Variants in PRR18 observed in about 807,000 individuals in gnomAD.
PRR18 encodes proline-rich protein 18.
For missense variants in PRR18, 517 were observed against 437.4 expected (o/e 1.18, Z -1.62); for synonymous variants, 228 against 220.2 (o/e 1.04, Z -0.32).
Position 166,308,216 on chromosome 6 carries a change from T to C in PRR18, c.-74A>G. 1 of 1,213,780 alleles carries C rather than the reference T, an allele frequency of 8.2e-7. No homozygotes were observed. 75.2% of individuals were successfully genotyped at this position (1,213,780 alleles called of 1,614,324 possible). Reference sequence around the variant, plus strand: ...GCTCAGCCACTGTGCGCGGAGCGGGTCCCCGCAGTCCGGGCGGCCCCTCCA... The same window carrying C: ...GCTCAGCCACTGTGCGCGGAGCGGGCCCCCGCAGTCCGGGCGGCCCCTCCA... On this transcript the variant is annotated 5_prime_UTR_variant, in exon 1 of 1. Coordinates refer to ENST00000322583, the MANE Select transcript of PRR18 (RefSeq NM_175922.4).
Position 166,307,198 on chromosome 6 carries a change from C to A in PRR18, c.*57G>T. 7.4e-7 allele frequency: 1 copy of A among 1,345,404 alleles called. No individual in the cohort carries two copies. Among genetic ancestry groups the A allele is most frequent in the East Asian group, 3.0e-5 (1 of 33,210 alleles). 83.3% of individuals were successfully genotyped at this position (1,345,404 alleles called of 1,614,324 possible). A position where few individuals can be genotyped will look rare whatever the true frequency, so the allele number is the denominator to read the frequency against. On this transcript the variant is annotated 3_prime_UTR_variant, in exon 1 of 1. Coordinates refer to ENST00000322583, the MANE Select transcript of PRR18 (RefSeq NM_175922.4). ...CCCCGAGGGCCCCTAGGCGGAGTGG[C>A]GCGTGCAGGAAGTGAGGTGGGATCA...
rs1778142938 is a variant in PRR18, at chr6:166,308,205, C to A, written c.-63G>T. 44 of 1,222,622 alleles carry A rather than the reference C, an allele frequency of 3.6e-5. No individual in the cohort carries two copies. Among genetic ancestry groups the A allele is most frequent in the Admixed American group, 4.3e-5 (1 of 23,478 alleles). The allele number at this position is 1,222,622 out of a possible 1,614,324, so 75.7% of individuals were successfully genotyped here. On this transcript the variant is annotated 5_prime_UTR_variant, in exon 1 of 1. Coordinates refer to ENST00000322583, the MANE Select transcript of PRR18 (RefSeq NM_175922.4). Reference sequence around the variant, plus strand: ...GAGAGGCGGGCGCTCAGCCACTGTGCGCGGAGCGGGTCCCCGCAGTCCGGG... The same window carrying A: ...GAGAGGCGGGCGCTCAGCCACTGTGAGCGGAGCGGGTCCCCGCAGTCCGGG...
rs1186578158 is a variant in PRR18 at position 166,305,836 on chromosome 6, G to C, written c.*1419C>G. The C allele has an allele frequency of 6.6e-6, 1 of 152,200 alleles. No individual in the cohort carries two copies. The highest frequency in any genetic ancestry group is 1.5e-5 in the Non-Finnish European group (1 of 68,046). 9.4% of individuals were successfully genotyped at this position (152,200 alleles called of 1,614,324 possible). A position where few individuals can be genotyped will look rare whatever the true frequency, so the allele number is the denominator to read the frequency against. ...GGTATTTGCACTAAGTGCAAGACGA[G>C]ACCAAGTTGAGCCACTCCTGCCCTC... On this transcript the variant is annotated 3_prime_UTR_variant, in exon 1 of 1. Coordinates refer to ENST00000322583, the MANE Select transcript of PRR18 (RefSeq NM_175922.4).
rs1329977581 is a variant in PRR18 at position 166,307,893 on chromosome 6, C to A, written c.250G>T (p.Ala84Ser). Residue 84 changes from alanine to serine, a missense_variant, in exon 1 of 1, where the codon GCG becomes TCG. Transcript: ENST00000322583. ...GGGGCGCACGTGGCTGGGGCCCGCG[C>A]GCGGCTGGGCAAGGCCTGGGGGGAG... The part of the protein sequence containing the change: ...GVSPQALPSR[A>S]RAPATCAPPR... 1 of 1,234,146 alleles carries A rather than the reference C, an allele frequency of 8.1e-7. No individual in the cohort carries two copies. Among genetic ancestry groups the A allele is most frequent in the Non-Finnish European group, 1.0e-6 (1 of 989,190 alleles). The allele number at this position is 1,234,146 out of a possible 1,614,324, so 76.4% of individuals were successfully genotyped here.
rs757375928 is a variant in PRR18 at position 166,307,353 on chromosome 6, G to A, written c.790C>T (p.Arg264Cys). The change falls in exon 1 of 1, where the codon CGC becomes TGC. Residue 264 changes from arginine (R) to cysteine (C), a missense_variant. Physicochemically the swap from Arg to Cys is radical, Grantham distance 180 (BLOSUM62 -3). Coordinates refer to ENST00000322583, the MANE Select transcript of PRR18 (RefSeq NM_175922.4). Reference protein sequence around the residue: ...EPEAVDEGLVRKCTEWLRGVE... With the variant: ...EPEAVDEGLVCKCTEWLRGVE... ...CCGCGCAGCCACTCCGTGCACTTGC[G>A]TACCAGGCCCTCGTCCACCGCCTCT... 1 of 1,578,596 alleles carries A rather than the reference G, an allele frequency of 6.3e-7. No homozygotes were observed.
rs1334820480 is a variant in PRR18, at chr6:166,307,290, C to T, written c.853G>A (p.Ala285Thr). ...SAAAARGRAG[A>T]LDSRRHLSTL is the part of the protein sequence containing the mutation. ...CTCAGGTGCCGCCGTGAGTCCAGGG[C>T]CCCCGCCCGGCCCCGCGCGGCAGCC... The change falls in exon 1 of 1, where the codon GCC becomes ACC. Residue 285 changes from alanine to threonine, a missense_variant. Ala to Thr is a moderately conservative substitution (Grantham distance 58). Transcript: ENST00000322583. The T allele has an allele frequency of 2.6e-6, 4 of 1,524,560 alleles. No individual in the cohort carries two copies. In the South Asian group the frequency reaches 4.8e-5, roughly 18 times the overall value. 94.4% of individuals were successfully genotyped at this position (1,524,560 alleles called of 1,614,324 possible). A position where few individuals can be genotyped will look rare whatever the true frequency, so the allele number is the denominator to read the frequency against.
At position 166,308,232 on chromosome 6, in the gene PRR18, G is replaced by T. The variant is rs1419071105; in HGVS notation, c.-90C>A. 2 of 1,188,070 alleles carry T rather than the reference G, an allele frequency of 1.7e-6. No homozygotes were observed. Among genetic ancestry groups the T allele is most frequent in the Non-Finnish European group, 2.1e-6 (2 of 948,466 alleles). The allele number at this position is 1,188,070 out of a possible 1,614,324, so 73.6% of individuals were successfully genotyped here. On this transcript the variant is annotated 5_prime_UTR_variant, in exon 1 of 1. Transcript: ENST00000322583. ...CGGAGCGGGTCCCCGCAGTCCGGGC[G>T]GCCCCTCCACACCCACCTGCGTCCA...
Position 166,307,538 on chromosome 6 carries a change from C to G in PRR18, c.605G>C (p.Gly202Ala). The change falls in exon 1 of 1, where the codon GGC becomes GCC. Residue 202 changes from glycine (G) to alanine (A), a missense_variant. By Grantham distance (60) the Gly-to-Ala change is moderately conservative. Coordinates refer to ENST00000322583, the MANE Select transcript of PRR18 (RefSeq NM_175922.4). ...ASDPDAPPTAGQGRRAPPPGA... is the reference protein window; with the variant it reads ...ASDPDAPPTAAQGRRAPPPGA... ...GGGCGGAGGCGCGCGGCGGCCCTGG[C>G]CGGCGGTGGGGGGTGCGTCGGGGTC... 2 of 1,217,752 alleles carry G rather than the reference C, an allele frequency of 1.6e-6. No homozygotes were observed. The highest frequency in any genetic ancestry group is 3.9e-5 in the South Asian group (1 of 25,626). 75.4% of individuals were successfully genotyped at this position (1,217,752 alleles called of 1,614,324 possible).
chr6:166,307,991 G>A lies in PRR18; in HGVS notation c.152C>T (p.Ala51Val), dbSNP rs1213893662. 8.9e-6 allele frequency: 11 copies of A among 1,238,726 alleles called. No homozygotes were observed. Among genetic ancestry groups the A allele is most frequent in the Non-Finnish European group, 1.0e-5 (10 of 984,690 alleles). 76.7% of individuals were successfully genotyped at this position (1,238,726 alleles called of 1,614,324 possible). A position where few individuals can be genotyped will look rare whatever the true frequency, so the allele number is the denominator to read the frequency against. ...CCGGGCCGGCGGCCTCTTGAGCGTG[G>A]CGGAGGGCCAGGAGCTGGAGAGGAG... is the stretch of plus-strand genomic sequence containing the variant. ...EGLLSSSWPS[A>V]TLKRPPARRG... Residue 51 changes from alanine to valine, a missense_variant, in exon 1 of 1, where the codon GCC (alanine) becomes GTC (valine). Coordinates refer to ENST00000322583, the MANE Select transcript of PRR18 (RefSeq NM_175922.4).
chr6:166,307,226 C>A lies in PRR18; in HGVS notation c.*29G>T. ...GTGCAGGAAGTGAGGTGGGATCAGG[C>A]CTGGCCTGTCCCCGCAGGCCCGCTG... On this transcript the variant is annotated 3_prime_UTR_variant, in exon 1 of 1. Coordinates refer to ENST00000322583, the MANE Select transcript of PRR18 (RefSeq NM_175922.4). 1 of 1,434,880 alleles carries A rather than the reference C, an allele frequency of 7.0e-7. No homozygotes were observed. Among genetic ancestry groups the A allele is most frequent in the Middle Eastern group, 2.5e-4 (1 of 3,928 alleles). 88.9% of individuals were successfully genotyped at this position (1,434,880 alleles called of 1,614,324 possible). A position where few individuals can be genotyped will look rare whatever the true frequency, so the allele number is the denominator to read the frequency against.
chr6:166,308,208 G>A lies in PRR18; in HGVS notation c.-66C>T, dbSNP rs867097882. 17 of 1,220,154 alleles carry A rather than the reference G, an allele frequency of 1.4e-5. No individual in the cohort carries two copies. The Middle Eastern group carries it at 9.4e-4, about 67-fold the overall frequency. 75.6% of individuals were successfully genotyped at this position (1,220,154 alleles called of 1,614,324 possible). A position where few individuals can be genotyped will look rare whatever the true frequency, so the allele number is the denominator to read the frequency against. On this transcript the variant is annotated 5_prime_UTR_variant, in exon 1 of 1. Coordinates refer to ENST00000322583, the MANE Select transcript of PRR18 (RefSeq NM_175922.4). ...AGGCGGGCGCTCAGCCACTGTGCGC[G>A]GAGCGGGTCCCCGCAGTCCGGGCGG... is the stretch of plus-strand genomic sequence containing the variant.
chr6:166,307,233 T>A lies in PRR18; in HGVS notation c.*22A>T, dbSNP rs926701813. The A allele has an allele frequency of 2.1e-6, 3 of 1,440,500 alleles. No individual in the cohort carries two copies. The African/African-American group carries it at 4.4e-5, about 21-fold the overall frequency. 89.2% of individuals were successfully genotyped at this position (1,440,500 alleles called of 1,614,324 possible). Reference sequence around the variant, plus strand: ...AAGTGAGGTGGGATCAGGCCTGGCCTGTCCCCGCAGGCCCGCTGGGCTCAC... The same window carrying A: ...AAGTGAGGTGGGATCAGGCCTGGCCAGTCCCCGCAGGCCCGCTGGGCTCAC... On this transcript the variant is annotated 3_prime_UTR_variant, in exon 1 of 1. Coordinates refer to ENST00000322583, the MANE Select transcript of PRR18 (RefSeq NM_175922.4).
rs186577225 is a variant in PRR18, at chr6:166,308,228, G to C, written c.-86C>G. On this transcript the variant is annotated 5_prime_UTR_variant, in exon 1 of 1. Transcript: ENST00000322583. ...TGCGCGGAGCGGGTCCCCGCAGTCCGGGCGGCCCCTCCACACCCACCTGCG... is the reference window on the plus strand; with the variant it reads ...TGCGCGGAGCGGGTCCCCGCAGTCCCGGCGGCCCCTCCACACCCACCTGCG... The C allele has an allele frequency of 8.3e-7, 1 of 1,199,316 alleles. No homozygotes were observed. Among genetic ancestry groups the C allele is most frequent in the African/African-American group, 1.6e-5 (1 of 63,466 alleles). 74.3% of individuals were successfully genotyped at this position (1,199,316 alleles called of 1,614,324 possible).
chr6:166,307,238 C>A lies in PRR18; in HGVS notation c.*17G>T. The A allele has an allele frequency of 6.9e-7, 1 of 1,447,060 alleles. No individual in the cohort carries two copies. The highest frequency in any genetic ancestry group is 1.4e-5 in the South Asian group (1 of 69,482). The allele number at this position is 1,447,060 out of a possible 1,614,324, so 89.6% of individuals were successfully genotyped here. ...AGGTGGGATCAGGCCTGGCCTGTCC[C>A]CGCAGGCCCGCTGGGCTCACAGCGT... is the stretch of plus-strand genomic sequence containing the variant. On this transcript the variant is annotated 3_prime_UTR_variant, in exon 1 of 1. Transcript: ENST00000322583.
chr6:166,308,098 C>A lies in PRR18; in HGVS notation c.45G>T (p.Gly15=), dbSNP rs1220622933. ...GGGGTAACTGGCGCGCGGCTTGGGCCCCCGGGGCGGGGGCGGGCGGCGGCG... is the reference window on the plus strand; with the variant it reads ...GGGGTAACTGGCGCGCGGCTTGGGCACCCGGGGCGGGGGCGGGCGGCGGCG... The part of the protein sequence containing the change: ...PMPPPPAPAP[G]AQAARQLPRR... The change falls in exon 1 of 1, where the codon GGG becomes GGT. Residue 15 remains glycine, a synonymous_variant. Transcript: ENST00000322583. 11 of 1,233,252 alleles carry A rather than the reference C, an allele frequency of 8.9e-6. No individual in the cohort carries two copies. Among genetic ancestry groups the A allele is most frequent in the Non-Finnish European group, 1.1e-5 (11 of 986,042 alleles). 76.4% of individuals were successfully genotyped at this position (1,233,252 alleles called of 1,614,324 possible).
rs1778122570 is a variant in PRR18 at position 166,307,611 on chromosome 6, A to G, written c.532T>C (p.Cys178Arg). ...GGGCCCGCGGCCCTAGCCGGGAGACACGGGGCGAGTAGGCGCCTGGGTTCG... is the reference window on the plus strand; with the variant it reads ...GGGCCCGCGGCCCTAGCCGGGAGACGCGGGGCGAGTAGGCGCCTGGGTTCG... ...SAEPRRLLAPCLPARAAGPRR... is the reference protein window; with the variant it reads ...SAEPRRLLAPRLPARAAGPRR... The change falls in exon 1 of 1, where the codon TGT (cysteine) becomes CGT (arginine). Residue 178 changes from cysteine (C) to arginine (R), a missense_variant. Transcript: ENST00000322583. The G allele has an allele frequency of 7.6e-7, 1 of 1,311,002 alleles. No individual in the cohort carries two copies. Among genetic ancestry groups the G allele is most frequent in the South Asian group, 2.2e-5 (1 of 45,178 alleles). The allele number at this position is 1,311,002 out of a possible 1,614,324, so 81.2% of individuals were successfully genotyped here.
rs1778138998 is a variant in PRR18, at chr6:166,308,108, G to T, written c.35C>A (p.Pro12His). 3 of 1,231,358 alleles carry T rather than the reference G, an allele frequency of 2.4e-6. No individual in the cohort carries two copies. The African/African-American group carries it at 4.7e-5, about 19-fold the overall frequency. The allele number at this position is 1,231,358 out of a possible 1,614,324, so 76.3% of individuals were successfully genotyped here. ...PFPPMPPPPA[P>H]APGAQAARQL... ...GCGCGCGGCTTGGGCCCCCGGGGCG[G>T]GGGCGGGCGGCGGCGGCATGGGCGG... is the stretch of plus-strand genomic sequence containing the variant. Residue 12 changes from proline (P) to histidine (H), a missense_variant, in exon 1 of 1, where the codon CCC (proline) becomes CAC (histidine). Coordinates refer to ENST00000322583, the MANE Select transcript of PRR18 (RefSeq NM_175922.4).
In PRR18 at chr6:166,307,237, C is replaced by T. The variant is rs374644887; in HGVS notation, c.*18G>A. ...GAGGTGGGATCAGGCCTGGCCTGTCCCCGCAGGCCCGCTGGGCTCACAGCG... is the reference window on the plus strand; with the variant it reads ...GAGGTGGGATCAGGCCTGGCCTGTCTCCGCAGGCCCGCTGGGCTCACAGCG... On this transcript the variant is annotated 3_prime_UTR_variant, in exon 1 of 1. Coordinates refer to ENST00000322583, the MANE Select transcript of PRR18 (RefSeq NM_175922.4). The T allele has an allele frequency of 5.5e-5, 79 of 1,440,998 alleles. No homozygotes were observed. The African/African-American group carries it at 8.3e-4, about 15-fold the overall frequency. 89.3% of individuals were successfully genotyped at this position (1,440,998 alleles called of 1,614,324 possible). A position where few individuals can be genotyped will look rare whatever the true frequency, so the allele number is the denominator to read the frequency against.
In PRR18 at chr6:166,307,539, C is replaced by G. The variant is rs1778119286; in HGVS notation, c.604G>C (p.Gly202Arg). The change falls in exon 1 of 1, where the codon GGC (glycine) becomes CGC (arginine). Residue 202 changes from glycine to arginine, a missense_variant. By Grantham distance (125) the Gly-to-Arg change is moderately radical. Transcript: ENST00000322583. Reference sequence around the variant, plus strand: ...GGCGGAGGCGCGCGGCGGCCCTGGCCGGCGGTGGGGGGTGCGTCGGGGTCG... The same window carrying G: ...GGCGGAGGCGCGCGGCGGCCCTGGCGGGCGGTGGGGGGTGCGTCGGGGTCG... ...ASDPDAPPTAGQGRRAPPPGA... is the reference protein window; with the variant it reads ...ASDPDAPPTARQGRRAPPPGA... 8.2e-7 allele frequency: 1 copy of G among 1,217,460 alleles called. No homozygotes were observed. The highest frequency in any genetic ancestry group is 1.0e-6 in the Non-Finnish European group (1 of 980,018). 75.4% of individuals were successfully genotyped at this position (1,217,460 alleles called of 1,614,324 possible).
Sources: allele counts gnomAD v4.1 joint callset, GRCh38; gene constraint gnomAD v4.1.1; transcripts MANE v1.5; gene names NCBI Gene and HGNC (gene_info 2026-07-23, HGNC 2026-07-21).